The following RBMS3 variants were observed in gnomAD, a reference collection of about 807,000 sequenced individuals.
The protein encoded by RBMS3 is RNA binding motif single stranded interacting protein 3, also known as RNA-binding motif, single-stranded-interacting protein 3.
RBMS3 carries 27 observed loss-of-function variants against 66.8 expected under a neutral mutation model. The ratio of observed to expected loss-of-function variants is 0.40; its 90% CI spans 0.30 to 0.56. The LOEUF is 0.56. RBMS3 is among the 20% of genes least tolerant of loss of function. The probability of loss-of-function intolerance (pLI) is 0.40; values close to 1 mark genes in which losing one functional copy is unlikely to be tolerated. For synonymous variants in RBMS3, 188 were observed against 183.0 expected (o/e 1.03, Z -0.22); for missense variants, 513 against 549.5 (o/e 0.93, Z 0.66).
intron 2 of RBMS3, among the ~76,000 whole-genome samples, chr3:29,476,417 T>C (rs1036739077): frequency 6.6e-6 from 1 of 152,212 alleles, no homozygotes; most frequent in Non-Finnish European, 1.5e-5. Flanking sequence ...TTCTCTGGAT[T>C]ATACAGAATC....
intron 3 of RBMS3, among the ~76,000 whole-genome samples, chr3:29,567,114 C>G (rs1206655696): frequency 6.6e-6 from 1 of 152,086 alleles, no homozygotes; most frequent in African/African-American, 2.4e-5. Context: ...ACTATTTCTT[C>G]ATTGGGTTTG....
In RBMS3 at chr3:29,965,215, T is replaced by A. The variant is rs566564279; in HGVS notation, c.1098+20961T>A. Among the ~76,000 whole-genome samples, 5 of 152,162 alleles carry A rather than the reference T, an allele frequency of 3.3e-5. No individual in the cohort carries two copies. The South Asian group carries it at 8.3e-4, about 25-fold the overall frequency. On this transcript the variant is annotated intron_variant, in intron 12 of 14. Coordinates refer to ENST00000383767, the MANE Select transcript of RBMS3 (RefSeq NM_001003793.3). ...AGTATATTTTTTGAATAATAATAAT[T>A]ATTTTTTTCCTCTGGGTAGATAACC...
At chr3:29,293,484 C>A (rs2032988346) in intron 1 of RBMS3, among the ~76,000 whole-genome samples, 1 of 151,750 alleles carries the variant, frequency 6.6e-6, no homozygotes, top group African/African-American at 2.4e-5. Context: ...CTAACATAAG[C>A]CTTTGTTAGA....
intron 1 of RBMS3, among the ~76,000 whole-genome samples, chr3:29,286,165 AATAGCATGAAACTATG>A (rs1275373307): frequency 2.6e-5 from 4 of 152,128 alleles, no homozygotes; most frequent in Non-Finnish European, 4.4e-5. Flanking sequence ...GGGGTAATAT[AATAGCATGAAACTATG>A]ATAGCATGAA....
chr3:29,425,129 G>T (rs769563248), intron 1 of RBMS3, among the ~76,000 whole-genome samples: 11 of 148,644 alleles, frequency 7.4e-5, no homozygotes, highest in Non-Finnish European at 1.2e-4. Context: ...GGATCACAAG[G>T]TCAGGAGATC....
chr3:29,357,989 A>G (rs1367794333), intron 1 of RBMS3, among the ~76,000 whole-genome samples: 2 of 152,016 alleles, frequency 1.3e-5, no homozygotes, highest in African/African-American at 2.4e-5. Flanking sequence ...ATTTTCTCCT[A>G]TTCTCTAGGT....
At chr3:29,941,765 T>A (rs1015511473) in intron 11 of RBMS3, among the ~76,000 whole-genome samples, 17 of 151,668 alleles carry the variant, frequency 1.1e-4, no homozygotes, top group Non-Finnish European at 1.9e-4. Context: ...GTAAATAGAA[T>A]GCCAAGGAAC....
intron 3 of RBMS3, among the ~76,000 whole-genome samples, chr3:29,544,778 T>C (rs2045886742): frequency 6.6e-6 from 1 of 152,112 alleles, no homozygotes; most frequent in South Asian, 2.1e-4. Context: ...GCAAACATTT[T>C]CTGTATATTT....
intron 5 of RBMS3, among the ~76,000 whole-genome samples, chr3:29,754,785 T>A (rs1012071635): frequency 2.0e-5 from 3 of 152,236 alleles, no homozygotes; most frequent in Non-Finnish European, 4.4e-5. Flanking sequence ...TCAAGACTTT[T>A]CGTTAAGATA....
intron 1 of RBMS3, among the ~76,000 whole-genome samples, chr3:29,381,945 A>ATATCTCTTTCTTTCCTTCCCTGTC (rs1403237232): frequency 6.6e-6 from 1 of 152,002 alleles, no homozygotes; most frequent in African/African-American, 2.4e-5. Flanking sequence ...CCTTCCCTGT[A>ATATCTCTTTCTTTCCTTCCCTGTC]TATCTCTTTC....
At chr3:29,708,709 A>G (rs1293561946) in intron 4 of RBMS3, among the ~76,000 whole-genome samples, 3 of 152,064 alleles carry the variant, frequency 2.0e-5, no homozygotes, top group South Asian at 2.1e-4. Context: ...AGCAGAGACT[A>G]TGGGTGGGCT....
intron 4 of RBMS3, among the ~76,000 whole-genome samples, chr3:29,718,715 C>A (rs558778292): frequency 1.3e-5 from 2 of 152,260 alleles, no homozygotes; most frequent in Admixed American, 1.3e-4. Flanking sequence ...TGGTATGTAA[C>A]TAGTAACAGT....
chr3:29,431,587 A>G (rs559797125), intron 1 of RBMS3, among the ~76,000 whole-genome samples: 48 of 152,202 alleles, frequency 3.2e-4, no homozygotes, highest in Admixed American at 8.5e-4. Flanking sequence ...CACCGCGCCC[A>G]GCCAAAAAAC....
intron 12 of RBMS3, among the ~76,000 whole-genome samples, chr3:29,974,872 A>C (rs951818106): frequency 7.0e-5 from 10 of 142,318 alleles, no homozygotes; most frequent in Non-Finnish European, 9.2e-5. Context: ...TTCTATATTT[A>C]TATATTTTAT....
chr3:29,722,321 A>G (rs986758643), intron 4 of RBMS3, among the ~76,000 whole-genome samples: 2 of 152,026 alleles, frequency 1.3e-5, no homozygotes, highest in African/African-American at 4.8e-5. Context: ...TTTCTCTATT[A>G]ATATATACAT....
At chr3:29,820,338 A>G (rs961779994) in intron 6 of RBMS3, among the ~76,000 whole-genome samples, 1 of 151,668 alleles carries the variant, frequency 6.6e-6, no homozygotes, top group African/African-American at 2.4e-5. Context: ...GTGACAATTG[A>G]ATCCTTTCTG....
At chr3:29,705,044 G>A (rs868706254) in intron 4 of RBMS3, among the ~76,000 whole-genome samples, 2 of 152,160 alleles carry the variant, frequency 1.3e-5, no homozygotes, top group Admixed American at 6.5e-5. Context: ...GTTCCCTTGT[G>A]CATGTGATGA....
At chr3:29,676,351 C>A (rs923732253) in intron 4 of RBMS3, among the ~76,000 whole-genome samples, 5 of 152,074 alleles carry the variant, frequency 3.3e-5, no homozygotes, top group African/African-American at 1.2e-4. Flanking sequence ...GTACAGCACA[C>A]CAACATGGCA....
At chr3:29,497,272 T>C (rs373072459) in intron 3 of RBMS3, among the ~76,000 whole-genome samples, 2 of 152,058 alleles carry the variant, frequency 1.3e-5, no homozygotes, top group Non-Finnish European at 2.9e-5. Flanking sequence ...ACCTCCCAAA[T>C]TGCTGGGATT....
Sources: allele counts gnomAD v4.1 joint callset (sites outside exome capture counted in the v4.1 genomes callset), GRCh38; gene constraint gnomAD v4.1.1; transcripts MANE v1.5; gene names NCBI Gene and HGNC (gene_info 2026-07-23, HGNC 2026-07-21).